PLCH1: variants seen among roughly 807,000 people sequenced by gnomAD.
PLCH1 encodes 1-phosphatidylinositol 4,5-bisphosphate phosphodiesterase eta-1.
PLCH1 carries 60 observed loss-of-function variants against 126.7 expected under a neutral mutation model. The observed-to-expected ratio is 0.47, with a 90% CI of 0.38 to 0.59. PLCH1 has a LOEUF of 0.59. PLCH1 is among the 20% of genes least tolerant of loss of function. PLCH1 has a pLI of 0.00. For missense variants in PLCH1, 1,723 were observed against 2,040.0 expected, an observed-to-expected ratio of 0.84 and a Z score of 2.99; for synonymous variants, 719 against 734.9, an observed-to-expected ratio of 0.98 and a Z score of 0.35.
At chr3:155,552,587 A>G (rs1726292501) in intron 9 of PLCH1, among the ~76,000 whole-genome samples, 1 of 152,144 alleles carries the variant, frequency 6.6e-6, no homozygotes, top group South Asian at 2.1e-4. Flanking sequence ...GAGTTGAGAA[A>G]GAGCCAGGCT....
intron 12 of PLCH1, among the ~76,000 whole-genome samples, chr3:155,512,570 G>C (rs1396132961): frequency 1.3e-5 from 2 of 152,142 alleles, no homozygotes; most frequent in Non-Finnish European, 2.9e-5. Context: ...TATGTGAAAT[G>C]GGGAAGACGA....
In PLCH1 at chr3:155,483,087, T is replaced by C. The variant is rs1274132496; in HGVS notation, c.2975-36A>G. On this transcript the variant is annotated intron_variant, in intron 22 of 22. Coordinates refer to ENST00000460012, the MANE Select transcript of PLCH1 (RefSeq NM_014996.4). Reference sequence around the variant, plus strand: ...CAAACAATATTTTAGGTGACATCTATCACTTTATGTAGGACCTGCAAACAC... The same window carrying C: ...CAAACAATATTTTAGGTGACATCTACCACTTTATGTAGGACCTGCAAACAC... 3.2e-6 allele frequency: 5 copies of C among 1,573,102 alleles called. No homozygotes were observed. Among genetic ancestry groups the C allele is most frequent in the Admixed American group, 3.4e-5 (2 of 59,162 alleles).
chr3:155,719,382 G>C (rs888502965), intron 1 of PLCH1, among the ~76,000 whole-genome samples: 1 of 152,044 alleles, frequency 6.6e-6, no homozygotes, highest in Non-Finnish European at 1.5e-5. Flanking sequence ...TGGGGGAGGG[G>C]GAAGGGATAG....
At chr3:155,697,144 C>T (rs1012006985) in intron 2 of PLCH1, among the ~76,000 whole-genome samples, 1 of 152,154 alleles carries the variant, frequency 6.6e-6, no homozygotes, top group Admixed American at 6.5e-5. Flanking sequence ...GGAATAGAGG[C>T]TGATACACCT....
Position 155,485,536 on chromosome 3 carries a change from C to T in PLCH1, c.2794G>A (p.Val932Met), listed in dbSNP as rs1159713825. The change falls in exon 22 of 23, where the codon GTG becomes ATG. Residue 932 changes from valine to methionine, a missense_variant. Physicochemically the swap from Val to Met is conservative, Grantham distance 21. This residue lies in a region of PLCH1 where 947 missense variants were observed against 977.1 expected (regional missense o/e 0.97). Coordinates refer to ENST00000460012, the MANE Select transcript of PLCH1 (RefSeq NM_014996.4). ...KKSKMGFQEM[V>M]EIKDSVSEAT... Reference sequence around the variant, plus strand: ...TCGGACACAGAATCCTTTATCTCCACCATTTCTTGGAAGCCCATTTTGCTC... The same window carrying T: ...TCGGACACAGAATCCTTTATCTCCATCATTTCTTGGAAGCCCATTTTGCTC... The T allele has an allele frequency of 6.2e-6, 10 of 1,614,112 alleles. No individual in the cohort carries two copies. Among genetic ancestry groups the T allele is most frequent in the Middle Eastern group, 1.6e-4 (1 of 6,084 alleles).
At position 155,732,085 on chromosome 3, in the gene PLCH1, A is replaced by G. The variant is rs568723115; in HGVS notation, c.-41+12755T>C. ...CTCTAAAGAAAAAAAAGATGTATGA[A>G]CTGCGTGACAAAGAATACATTATCA... is the stretch of plus-strand genomic sequence containing the variant. On this transcript the variant is annotated intron_variant, in intron 1 of 22. Coordinates refer to ENST00000460012, the MANE Select transcript of PLCH1 (RefSeq NM_014996.4). Among the ~76,000 whole-genome samples the G allele has an allele frequency of 2.6e-5, 4 of 152,144 alleles. No homozygotes were observed. The East Asian group carries it at 7.7e-4, about 29-fold the overall frequency.
intron 8 of PLCH1, among the ~76,000 whole-genome samples, chr3:155,558,826 T>C (rs1259465822): frequency 6.6e-6 from 1 of 152,172 alleles, no homozygotes; most frequent in Non-Finnish European, 1.5e-5. Context: ...AAGAGGAGAC[T>C]ACTATACACA....
At chr3:155,706,313 T>C (rs1424854507) in intron 1 of PLCH1, among the ~76,000 whole-genome samples, 1 of 148,498 alleles carries the variant, frequency 6.7e-6, no homozygotes, top group African/African-American at 2.5e-5. Flanking sequence ...GGTGAAACCG[T>C]GTCTCTACTA....
intron 3 of PLCH1, among the ~76,000 whole-genome samples, chr3:155,595,987 T>C (rs1259674472): frequency 1.3e-5 from 2 of 151,882 alleles, no homozygotes; most frequent in Non-Finnish European, 2.9e-5. Context: ...AATATATATA[T>C]ATATATATCA....
At chr3:155,664,766 C>T (rs1422349919) in intron 2 of PLCH1, among the ~76,000 whole-genome samples, 1 of 152,152 alleles carries the variant, frequency 6.6e-6, no homozygotes, top group East Asian at 1.9e-4. Context: ...TATATTAGCT[C>T]AAAATTTAAT....
intron 11 of PLCH1, among the ~76,000 whole-genome samples, chr3:155,518,394 A>C (rs1490377769): frequency 1.3e-5 from 2 of 152,180 alleles, no homozygotes; most frequent in Admixed American, 6.5e-5. Context: ...CCAAACACAC[A>C]GGCCTATGAA....
rs141814132 is a variant in PLCH1, at chr3:155,673,708, T to C, written c.79+30438A>G. Among the ~76,000 whole-genome samples, 852 of 152,236 alleles carry C rather than the reference T, an allele frequency of 5.6e-3. 6 individuals are homozygous for C. The highest frequency in any genetic ancestry group is 7.8e-3 in the Non-Finnish European group (529 of 68,002). ...TTTTTCTTCTTATAAAAGAATGAGA[T>C]TGCTATGGTTTCTTCCTGCTCAGAA... On this transcript the variant is annotated intron_variant, in intron 2 of 22. Transcript: ENST00000460012.
At chr3:155,656,555 T>C (rs2108919302) in intron 2 of PLCH1, among the ~76,000 whole-genome samples, 1 of 152,312 alleles carries the variant, frequency 6.6e-6, no homozygotes, top group South Asian at 2.1e-4. Flanking sequence ...ATCATATGAT[T>C]ATCTTCAGAA....
intron 10 of PLCH1, among the ~76,000 whole-genome samples, chr3:155,531,170 A>G (rs1722623084): frequency 6.6e-6 from 1 of 152,244 alleles, no homozygotes; most frequent in Non-Finnish European, 1.5e-5. Flanking sequence ...GGGATGAAAA[A>G]TGAGCACTGG....
At chr3:155,595,975 TAA>T (rs1553850465) in intron 3 of PLCH1, among the ~76,000 whole-genome samples, 1 of 77,150 alleles carries the variant, frequency 1.3e-5, no homozygotes, top group Admixed American at 1.2e-4. Context: ...ATATTCCAAC[TAA>T]ATATATATAT....
At chr3:155,603,627 T>C (rs1267259120) in intron 2 of PLCH1, among the ~76,000 whole-genome samples, 1 of 152,234 alleles carries the variant, frequency 6.6e-6, no homozygotes. Context: ...TTTTTCTCTA[T>C]GTTCTGTGAG....
chr3:155,482,626 T>C lies in PLCH1; in HGVS notation c.3400A>G (p.Arg1134Gly). The part of the protein sequence containing the change: ...NLEIKNLEGN[R>G]GKGRAATSFS... Reference sequence around the variant, plus strand: ...GATGTTGCAGCTCGGCCCTTACCCCTATTACCTTCCAGGTTCTTAATTTCT... The same window carrying C: ...GATGTTGCAGCTCGGCCCTTACCCCCATTACCTTCCAGGTTCTTAATTTCT... The change falls in exon 23 of 23, where the codon AGG becomes GGG. Residue 1134 changes from arginine to glycine, a missense_variant. Transcript: ENST00000460012. 1 of 1,614,132 alleles carries C rather than the reference T, an allele frequency of 6.2e-7. No individual in the cohort carries two copies.
intron 12 of PLCH1, among the ~76,000 whole-genome samples, chr3:155,506,643 G>A (rs1488825630): frequency 3.5e-5 from 5 of 143,834 alleles, no homozygotes; most frequent in African/African-American, 1.0e-4. Flanking sequence ...GAGAATGATG[G>A]TTTCCAATTT....
chr3:155,612,798 C>T (rs1027892885), intron 2 of PLCH1, among the ~76,000 whole-genome samples: 4 of 150,150 alleles, frequency 2.7e-5, no homozygotes, highest in Non-Finnish European at 5.9e-5. Context: ...ATCCCAGCTA[C>T]TTGGAGGGCT....
Sources: allele counts gnomAD v4.1 joint callset (sites outside exome capture counted in the v4.1 genomes callset), GRCh38; gene constraint gnomAD v4.1.1; regional missense constraint gnomAD v4.1.1; transcripts MANE v1.5; gene names NCBI Gene and HGNC (gene_info 2026-07-23, HGNC 2026-07-21).